RERG: variants seen among roughly 807,000 people sequenced by gnomAD.
RERG encodes RAS like estrogen regulated growth inhibitor, also known as ras-related and estrogen-regulated growth inhibitor.
RERG carries 25 observed loss-of-function variants against 23.2 expected under a neutral mutation model. That is an observed-to-expected ratio of 1.08 (90% CI 0.79 to 1.50). The LOEUF is 1.50. RERG is among the 40% of genes most tolerant of loss of function. The probability of loss-of-function intolerance (pLI) is 0.00; values close to 1 mark genes in which losing one functional copy is unlikely to be tolerated. For missense variants in RERG, 253 were observed against 250.1 expected (o/e 1.01, Z -0.08); for synonymous variants, 81 against 89.1 (o/e 0.91, Z 0.51).
intron 2 of RERG, among the ~76,000 whole-genome samples, chr12:15,137,665 T>C (rs1340464866): frequency 6.6e-6 from 1 of 151,998 alleles, no homozygotes; most frequent in Admixed American, 6.6e-5. Context: ...TACCTTATAA[T>C]AATAAAATAA....
Position 15,109,457 on chromosome 12 carries a change from C to T in RERG, c.253G>A (p.Asp85Asn), listed in dbSNP as rs777057953. The T allele has an allele frequency of 9.9e-6, 16 of 1,613,656 alleles. No homozygotes were observed. In the African/African-American group the frequency reaches 1.3e-4, roughly 13 times the overall value. Residue 85 changes from aspartate to asparagine, a missense_variant, in exon 5 of 5, where the codon GAC (aspartate) becomes AAC (asparagine). Physicochemically the swap from Asp to Asn is conservative, Grantham distance 23 (BLOSUM62 1). Transcript: ENST00000256953. ...RWGEGFVLVY[D>N]ITDRGSFEEV... ...TCAAAACTTCCTCGGTCAGTAATGT[C>T]GTAGACCAGCACAAAGCCTTCCCCC... is the stretch of plus-strand genomic sequence containing the variant.
intron 2 of RERG, among the ~76,000 whole-genome samples, chr12:15,176,577 A>T (rs1350081650): frequency 2.0e-5 from 3 of 152,176 alleles, no homozygotes; most frequent in Admixed American, 2.0e-4. Context: ...CTGAGTATAT[A>T]AACCTACCCA....
intron 3 of RERG, among the ~76,000 whole-genome samples, chr12:15,112,710 T>C (rs1163445202): frequency 6.6e-6 from 1 of 152,032 alleles, no homozygotes; most frequent in African/African-American, 2.4e-5. Flanking sequence ...CAAAGGAACA[T>C]GTAAAAGTAA....
chr12:15,206,346 G>C (rs540635711), intron 2 of RERG, among the ~76,000 whole-genome samples: 2 of 152,216 alleles, frequency 1.3e-5, no homozygotes, highest in South Asian at 4.1e-4. Flanking sequence ...TAAAGGCAGA[G>C]AGCTCCTTGT....
chr12:15,143,435 ATAT>A (rs1864275379), intron 2 of RERG, among the ~76,000 whole-genome samples: 2 of 148,768 alleles, frequency 1.3e-5, no homozygotes, highest in South Asian at 2.1e-4. Flanking sequence ...TAATACATAC[ATAT>A]TATTTTCTGT....
rs1863545661 is a variant in RERG, at chr12:15,108,861, A to G, written c.*249T>C. 2.6e-6 allele frequency: 1 copy of G among 386,058 alleles called. No individual in the cohort carries two copies. 23.9% of individuals were successfully genotyped at this position (386,058 alleles called of 1,614,324 possible). ...CTTAACATAAACCAGTCATTTCAGA[A>G]TCTCTGGTGATTACATGTTCAAATG... On this transcript the variant is annotated 3_prime_UTR_variant, in exon 5 of 5. Transcript: ENST00000256953.
At chr12:15,188,544 C>G (rs1434413384) in intron 2 of RERG, among the ~76,000 whole-genome samples, 1 of 151,974 alleles carries the variant, frequency 6.6e-6, no homozygotes. Context: ...GACTCCTGCC[C>G]TGGGCATGGC....
intron 2 of RERG, among the ~76,000 whole-genome samples, chr12:15,161,161 A>T (rs749730106): frequency 7.8e-6 from 1 of 128,736 alleles, no homozygotes; most frequent in African/African-American, 2.9e-5. Context: ...AAAGAAAGAA[A>T]GAAAGAAAGA....
At chr12:15,140,955 T>G (rs1431761622) in intron 2 of RERG, among the ~76,000 whole-genome samples, 1 of 152,172 alleles carries the variant, frequency 6.6e-6, no homozygotes. Flanking sequence ...TTGCCATTAG[T>G]TTTGGAATAT....
intron 2 of RERG, among the ~76,000 whole-genome samples, chr12:15,212,043 T>A: frequency 3.3e-5 from 2 of 60,534 alleles, no homozygotes; most frequent in African/African-American, 1.0e-4. Flanking sequence ...ACGAATAAAC[T>A]TTTTTTTTTT....
chr12:15,177,314 G>A (rs1433821956), intron 2 of RERG, among the ~76,000 whole-genome samples: 1 of 152,180 alleles, frequency 6.6e-6, no homozygotes, highest in Non-Finnish European at 1.5e-5. Context: ...TTCACCGGAT[G>A]TGGTGGTACA....
At chr12:15,127,403 T>C (rs2136093161) in intron 2 of RERG, among the ~76,000 whole-genome samples, 1 of 152,362 alleles carries the variant, frequency 6.6e-6, no homozygotes, top group East Asian at 1.9e-4. Context: ...AAAGACATGT[T>C]CTTTAAAGTG....
chr12:15,113,745 A>C (rs1295157595), intron 3 of RERG, among the ~76,000 whole-genome samples: 1 of 152,082 alleles, frequency 6.6e-6, no homozygotes, highest in African/African-American at 2.4e-5. Context: ...ACTTGAATAC[A>C]TAAGAAAATC....
chr12:15,209,520 T>A (rs1373614362), intron 2 of RERG, among the ~76,000 whole-genome samples: 2 of 151,934 alleles, frequency 1.3e-5, no homozygotes, highest in Non-Finnish European at 2.9e-5. Context: ...TTTTTTTTTT[T>A]AACACTTGAT....
At chr12:15,198,875 G>A (rs954053936) in intron 2 of RERG, among the ~76,000 whole-genome samples, 1 of 152,106 alleles carries the variant, frequency 6.6e-6, no homozygotes, top group African/African-American at 2.4e-5. Flanking sequence ...CGCCTTTAGC[G>A]AATCATGTGA....
At chr12:15,220,488 ACT>A (rs1314089582) in intron 1 of RERG, among the ~76,000 whole-genome samples, 3 of 152,144 alleles carry the variant, frequency 2.0e-5, no homozygotes, top group African/African-American at 7.2e-5. Context: ...AAGAGCTTAC[ACT>A]CTGTTAGACC....
intron 2 of RERG, among the ~76,000 whole-genome samples, chr12:15,213,507 A>T (rs1392932991): frequency 2.0e-5 from 3 of 152,198 alleles, no homozygotes; most frequent in Non-Finnish European, 4.4e-5. Context: ...GTCCCCACAG[A>T]GTTCACTGTA....
At chr12:15,198,594 T>C (rs1865176326) in intron 2 of RERG, among the ~76,000 whole-genome samples, 1 of 152,150 alleles carries the variant, frequency 6.6e-6, no homozygotes, top group South Asian at 2.1e-4. Flanking sequence ...ATCCAAGTTA[T>C]CACAAACTTA....
intron 2 of RERG, among the ~76,000 whole-genome samples, chr12:15,200,757 A>C (rs1472439158): frequency 6.6e-6 from 1 of 151,906 alleles, no homozygotes; most frequent in Non-Finnish European, 1.5e-5. Flanking sequence ...TTCCAACTTG[A>C]CTATATATTT....
Sources: allele counts gnomAD v4.1 joint callset (sites outside exome capture counted in the v4.1 genomes callset), GRCh38; gene constraint gnomAD v4.1.1; transcripts MANE v1.5; gene names NCBI Gene and HGNC (gene_info 2026-07-23, HGNC 2026-07-21).